The following ROCK2 variants were observed in gnomAD, a reference collection of about 807,000 sequenced individuals.
The protein encoded by ROCK2 is rho-associated protein kinase 2.
In ROCK2, 61 loss-of-function variants were observed where a neutral mutation model predicts 195.1. The observed-to-expected ratio is 0.31, with a 90% CI of 0.25 to 0.39. The LOEUF (loss-of-function observed/expected upper bound fraction) is 0.39, where lower values mean the gene tolerates loss of function less well. Among genes scored for constraint, ROCK2 ranks in the 10% least tolerant of loss-of-function variants. ROCK2 has a pLI of 1.00. For synonymous variants in ROCK2, 504 were observed against 545.5 expected (o/e 0.92, Z 1.06); for missense variants, 1,109 against 1,637.4 (o/e 0.68, Z 5.57).
intron 6 of ROCK2, among the ~76,000 whole-genome samples, chr2:11,226,912 G>GAA (rs36080073): frequency 1.8e-3 from 178 of 100,632 alleles, no homozygotes; most frequent in East Asian, 4.1e-3. Context: ...CCCTGCCTCA[G>GAA]AAAAAAAAAA....
chr2:11,282,196 C>G (rs1295663799), intron 3 of ROCK2, among the ~76,000 whole-genome samples: 1 of 151,826 alleles, frequency 6.6e-6, no homozygotes, highest in East Asian at 1.9e-4. Context: ...ACTAAAAATA[C>G]AAAAATTAGC....
intron 3 of ROCK2, among the ~76,000 whole-genome samples, chr2:11,273,163 C>A (rs987978537): frequency 1.5e-5 from 2 of 133,204 alleles, no homozygotes; most frequent in Admixed American, 1.5e-4. Flanking sequence ...GAAATAAATT[C>A]TTCTTCCCAG....
intron 3 of ROCK2, among the ~76,000 whole-genome samples, chr2:11,264,596 G>C (rs1348612122): frequency 1.3e-5 from 2 of 152,120 alleles, no homozygotes; most frequent in Non-Finnish European, 2.9e-5. Flanking sequence ...AGCCACTGTG[G>C]ATATGAGTTG....
chr2:11,227,496 C>T (rs1664856536), intron 5 of ROCK2, 98 bp from the exon 6 acceptor site: 1 of 1,136,860 alleles, frequency 8.8e-7, no homozygotes. Context: ...ACAATGATTA[C>T]ATATTGCTAA....
At chr2:11,240,955 G>C (rs1665406058) in intron 4 of ROCK2, among the ~76,000 whole-genome samples, 1 of 152,098 alleles carries the variant, frequency 6.6e-6, no homozygotes. Flanking sequence ...TTCCATCAGA[G>C]TAAAGACAAC....
chr2:11,191,045 T>C (rs16857268), intron 32 of ROCK2, among the ~76,000 whole-genome samples: 4,848 of 152,310 alleles, frequency 0.032, 123 homozygotes, highest in Non-Finnish European at 0.049. Context: ...TCAGAAAGTT[T>C]CATCTAAGAT....
chr2:11,268,244 T>C (rs1666488892), intron 3 of ROCK2, among the ~76,000 whole-genome samples: 1 of 151,902 alleles, frequency 6.6e-6, no homozygotes, highest in African/African-American at 2.4e-5. Context: ...GGGGGCTAAG[T>C]GGTGGTCAAG....
rs1663051545 is a variant in ROCK2 at position 11,182,711 on chromosome 2, A to G, written c.*726T>C. 6.6e-6 allele frequency: 1 copy of G among 152,636 alleles called. No individual in the cohort carries two copies. The highest frequency in any genetic ancestry group is 1.5e-5 in the Non-Finnish European group (1 of 68,032). 9.5% of individuals were successfully genotyped at this position (152,636 alleles called of 1,614,324 possible). A position where few individuals can be genotyped will look rare whatever the true frequency, so the allele number is the denominator to read the frequency against. On this transcript the variant is annotated 3_prime_UTR_variant, in exon 33 of 33. Transcript: ENST00000315872. Reference sequence around the variant, plus strand: ...TTAAATTAAGGCATTCAAAATGGGTAAAGTTGCCTATCATGAAGCATTAGG... The same window carrying G: ...TTAAATTAAGGCATTCAAAATGGGTGAAGTTGCCTATCATGAAGCATTAGG...
chr2:11,201,980 T>C lies in ROCK2; in HGVS notation c.2619+72A>G. The C allele has an allele frequency of 4.5e-6, 5 of 1,104,970 alleles. No individual in the cohort carries two copies. Among genetic ancestry groups the C allele is most frequent in the Non-Finnish European group, 7.0e-6 (5 of 718,082 alleles). 68.4% of individuals were successfully genotyped at this position (1,104,970 alleles called of 1,614,324 possible). ...GCCCAGCTGCTCTTTTTATATGAGT[T>C]GTATGGTATAAATAAAATATCCCAA... On this transcript the variant is annotated intron_variant, in intron 21 of 32. Coordinates refer to ENST00000315872, the MANE Select transcript of ROCK2 (RefSeq NM_004850.5). The surrounding 1 kb of genome is among the most constrained non-coding windows in gnomAD (Gnocchi z 4.6).
intron 1 of ROCK2, among the ~76,000 whole-genome samples, chr2:11,306,535 T>A (rs529689288): frequency 6.6e-6 from 1 of 152,230 alleles, no homozygotes; most frequent in Non-Finnish European, 1.5e-5. Flanking sequence ...AAACCAGTGG[T>A]TGGCATGCCG....
chr2:11,252,973 A>C (rs1665891205), intron 3 of ROCK2, among the ~76,000 whole-genome samples: 1 of 138,658 alleles, frequency 7.2e-6, no homozygotes, highest in South Asian at 2.2e-4. Context: ...AATAATAATA[A>C]TAATAATAAT....
chr2:11,338,106 G>A (rs1176370835), intron 1 of ROCK2, among the ~76,000 whole-genome samples: 3 of 152,060 alleles, frequency 2.0e-5, no homozygotes, highest in Non-Finnish European at 1.5e-5. Context: ...CGTTTTCAGG[G>A]GCTGAGGCTG....
Position 11,183,363 on chromosome 2 carries a change from C to G in ROCK2, c.*74G>C. ...ATATAGCTTTTTAATAAATTTTGGG[C>G]CATCATATTTCAGTCTTGTTTTCAC... On this transcript the variant is annotated 3_prime_UTR_variant, in exon 33 of 33. Coordinates refer to ENST00000315872, the MANE Select transcript of ROCK2 (RefSeq NM_004850.5). 7.9e-7 allele frequency: 1 copy of G among 1,270,648 alleles called. No homozygotes were observed. The highest frequency in any genetic ancestry group is 1.5e-5 in the African/African-American group (1 of 66,092). 78.7% of individuals were successfully genotyped at this position (1,270,648 alleles called of 1,614,324 possible).
intron 1 of ROCK2, among the ~76,000 whole-genome samples, chr2:11,310,499 G>T (rs6749456): frequency 0.81 from 123,025 of 152,122 alleles, 51,334 homozygotes; most frequent in East Asian, 0.99. Context: ...TCATTGACTC[G>T]TAGATAAATT....
At chr2:11,211,660 C>A (rs368925739) in intron 18 of ROCK2, 21 bp downstream of exon 18, 6 of 1,559,100 alleles carry the variant, frequency 3.8e-6, no homozygotes, top group African/African-American at 2.8e-5. Context: ...TGCTGGAAAA[C>A]CCTCTTTAAA....
chr2:11,227,421 G>T, intron 5 of ROCK2, 23 bp from the exon 6 acceptor site: 1 of 1,589,210 alleles, frequency 6.3e-7, no homozygotes, highest in Non-Finnish European at 8.6e-7. Context: ...GAGAGATAAA[G>T]AAAAAACAGT....
intron 32 of ROCK2, among the ~76,000 whole-genome samples, chr2:11,190,301 T>A (rs967317158): frequency 6.6e-6 from 1 of 151,168 alleles, no homozygotes; most frequent in Admixed American, 6.6e-5. Context: ...ACCGTTGCTA[T>A]GACAAAATGT....
chr2:11,233,031 T>C (rs772657721), intron 5 of ROCK2, among the ~76,000 whole-genome samples: 1 of 151,730 alleles, frequency 6.6e-6, no homozygotes, highest in Non-Finnish European at 1.5e-5. Flanking sequence ...CTAGGCAACA[T>C]AGAGAGATAC....
At chr2:11,337,774 C>G (rs191036428) in intron 1 of ROCK2, among the ~76,000 whole-genome samples, 5 of 151,964 alleles carry the variant, frequency 3.3e-5, no homozygotes, top group Non-Finnish European at 7.4e-5. Flanking sequence ...GCTGGGATTA[C>G]AGGTGCGTGC....
Sources: allele counts gnomAD v4.1 joint callset (sites outside exome capture counted in the v4.1 genomes callset), GRCh38; gene constraint gnomAD v4.1.1; non-coding constraint Gnocchi (gnomAD v3.1); transcripts MANE v1.5; gene names NCBI Gene and HGNC (gene_info 2026-07-23, HGNC 2026-07-21).